Variants in CCDC146 observed in about 807,000 individuals in gnomAD.
CCDC146 encodes the protein coiled-coil domain-containing protein 146.
In CCDC146, 92 loss-of-function variants were observed where a neutral mutation model predicts 119.3. The ratio of observed to expected loss-of-function variants is 0.77; its 90% CI spans 0.65 to 0.92. The LOEUF (loss-of-function observed/expected upper bound fraction) is 0.92. CCDC146 is among the 40% of genes least tolerant of loss of function. The pLI, the probability that CCDC146 is intolerant of heterozygous loss-of-function variation, is 0.00. For synonymous variants in CCDC146, 372 were observed against 371.8 expected (o/e 1.00, Z -0.01); for missense variants, 1,000 against 1,103.0 (o/e 0.91, Z 1.32).
intron 13 of CCDC146, among the ~76,000 whole-genome samples, chr7:77,279,864 GTATA>G (rs1430344832): frequency 1.3e-5 from 2 of 152,154 alleles, no homozygotes; most frequent in Non-Finnish European, 2.9e-5. Context: ...CACGATCAGG[GTATA>G]ATCTAATTTT....
Position 77,276,294 on chromosome 7 carries a change from G to A in CCDC146, c.1440+1642G>A, listed in dbSNP as rs1378317995. Among the ~76,000 whole-genome samples, 5 of 151,344 alleles carry A rather than the reference G, an allele frequency of 3.3e-5. No homozygotes were observed. In the East Asian group the frequency reaches 9.7e-4, roughly 29 times the overall value. ...AGCACATCCCTTGTTCTCAGTCTAA[G>A]TAAGGATTTACATAGAATGGTATTT... On this transcript the variant is annotated intron_variant, in intron 11 of 18. Transcript: ENST00000285871.
chr7:77,205,698 G>A lies in CCDC146; in HGVS notation c.157-31249G>A, dbSNP rs148037991. Among the ~76,000 whole-genome samples the A allele has an allele frequency of 1.3e-3, 205 of 152,356 alleles. 1 individual carries two copies. The highest frequency in any genetic ancestry group is 4.7e-3 in the African/African-American group (195 of 41,584). On this transcript the variant is annotated intron_variant, in intron 2 of 18. Transcript: ENST00000285871. Reference sequence around the variant, plus strand: ...CACTTGAGCCCAGGAGGCAGAGGTTGCGTGAGCTAAGATCATGCCACTGCA... The same window carrying A: ...CACTTGAGCCCAGGAGGCAGAGGTTACGTGAGCTAAGATCATGCCACTGCA...
At chr7:77,237,532 G>A (rs185890083) in intron 3 of CCDC146, among the ~76,000 whole-genome samples, 102 of 152,294 alleles carry the variant, frequency 6.7e-4, no homozygotes, top group Non-Finnish European at 1.3e-3. Context: ...GTGGGCAAAA[G>A]GATTCTGGTG....
Position 77,143,056 on chromosome 7 carries a change from A to C in CCDC146, c.-12+20324A>C, listed in dbSNP as rs868779846. Among the ~76,000 whole-genome samples the C allele has an allele frequency of 3.2e-4, 48 of 151,756 alleles. 1 individual carries two copies. Among genetic ancestry groups the C allele is most frequent in the Admixed American group, 1.2e-3 (19 of 15,262 alleles). On this transcript the variant is annotated intron_variant, in intron 1 of 18. Transcript: ENST00000285871. ...ACAGTGTAAAAGTGTTCCTATTTCT[A>C]CACATCCTCTCCAGCACCTGTTGTT...
chr7:77,148,498 C>T (rs1428050918), intron 1 of CCDC146, among the ~76,000 whole-genome samples: 2 of 152,056 alleles, frequency 1.3e-5, no homozygotes, highest in African/African-American at 2.4e-5. Context: ...TCTTCTGCGT[C>T]GCTCATGCTA....
intron 15 of CCDC146, among the ~76,000 whole-genome samples, chr7:77,284,023 T>A (rs1208552196): frequency 6.6e-6 from 1 of 152,184 alleles, no homozygotes; most frequent in African/African-American, 2.4e-5. Flanking sequence ...TGGCTCTGAC[T>A]CCTGCTTCCA....
At chr7:77,249,486 C>CAAA (rs36137608) in intron 4 of CCDC146, among the ~76,000 whole-genome samples, 7 of 96,696 alleles carry the variant, frequency 7.2e-5, no homozygotes, top group African/African-American at 1.2e-4. Context: ...GACTCTGTCT[C>CAAA]AAAAAAAAAA....
In CCDC146 at chr7:77,287,578, G is replaced by A; in HGVS notation, c.2415+1G>A. On this transcript the variant is annotated splice_donor_variant, in intron 17 of 18. Transcript: ENST00000285871. LOFTEE classifies it high-confidence loss of function. ...GGACACACTGCTCTTAGCCAAGAAG[G>A]TAGGCCTGAGACCCTGCCTTTTCCC... The A allele has an allele frequency of 6.2e-7, 1 of 1,612,844 alleles. No individual in the cohort carries two copies. The highest frequency in any genetic ancestry group is 8.5e-7 in the Non-Finnish European group (1 of 1,179,736).
intron 2 of CCDC146, among the ~76,000 whole-genome samples, chr7:77,205,213 C>T (rs1270208416): frequency 2.0e-5 from 3 of 152,110 alleles, no homozygotes; most frequent in Non-Finnish European, 2.9e-5. Context: ...AAAGTCATTG[C>T]GAATACTGAA....
chr7:77,218,249 G>T (rs1792334903), intron 2 of CCDC146, among the ~76,000 whole-genome samples: 1 of 151,140 alleles, frequency 6.6e-6, no homozygotes, highest in Non-Finnish European at 1.5e-5. Context: ...ACCTATATAT[G>T]AATTATAACC....
chr7:77,249,062 A>T (rs1793007480), intron 4 of CCDC146, among the ~76,000 whole-genome samples: 1 of 152,154 alleles, frequency 6.6e-6, no homozygotes, highest in Admixed American at 6.5e-5. Context: ...TGATCTTCTG[A>T]CTTCTGGATC....
intron 2 of CCDC146, among the ~76,000 whole-genome samples, chr7:77,221,711 A>G (rs568876561): frequency 6.6e-6 from 1 of 152,192 alleles, no homozygotes. Context: ...ACATATGAGC[A>G]TGATTTCAAC....
intron 2 of CCDC146, among the ~76,000 whole-genome samples, chr7:77,224,319 C>T (rs987588486): frequency 1.3e-5 from 2 of 152,256 alleles, no homozygotes; most frequent in South Asian, 2.1e-4. Context: ...GACTCATGAC[C>T]GCCTTCCTCC....
chr7:77,210,454 A>G (rs1210592939), intron 2 of CCDC146, among the ~76,000 whole-genome samples: 1 of 152,174 alleles, frequency 6.6e-6, no homozygotes, highest in Non-Finnish European at 1.5e-5. Context: ...CACTGTCCAT[A>G]TCACTATCAG....
chr7:77,237,115 C>A, intron 3 of CCDC146, 86 bp downstream of exon 3: 1 of 1,065,244 alleles, frequency 9.4e-7, no homozygotes, highest in Non-Finnish European at 1.4e-6. Flanking sequence ...TGCATTCCCC[C>A]ATAAGCAGAC....
intron 15 of CCDC146, among the ~76,000 whole-genome samples, chr7:77,286,011 G>A (rs77288233): frequency 4.6e-5 from 7 of 152,170 alleles, no homozygotes; most frequent in Non-Finnish European, 8.8e-5. Flanking sequence ...GTAACAACCT[G>A]CAATGAAGAG....
At chr7:77,209,550 G>A (rs1314542002) in intron 2 of CCDC146, among the ~76,000 whole-genome samples, 2 of 152,198 alleles carry the variant, frequency 1.3e-5, no homozygotes, top group South Asian at 2.1e-4. Context: ...CCTGGAGGAC[G>A]ATGGCCCTCT....
intron 2 of CCDC146, among the ~76,000 whole-genome samples, chr7:77,178,531 C>G (rs1040795069): frequency 6.6e-6 from 1 of 152,132 alleles, no homozygotes; most frequent in African/African-American, 2.4e-5. Flanking sequence ...CTCTCTTCTC[C>G]TTTATCCTTT....
intron 1 of CCDC146, among the ~76,000 whole-genome samples, chr7:77,128,958 A>G (rs1790746135): frequency 6.6e-6 from 1 of 152,110 alleles, no homozygotes; most frequent in Admixed American, 6.5e-5. Flanking sequence ...TCCCATGTAG[A>G]AGAGAACTAG....
Sources: gnomAD v4.1 joint callset for allele counts (sites outside exome capture counted in the v4.1 genomes callset) on GRCh38, gnomAD v4.1.1 for gene constraint, MANE v1.5 for transcripts, NCBI Gene and HGNC (gene_info 2026-07-23, HGNC 2026-07-21) for gene names.